Variants in CAPN12 observed in about 807,000 individuals in gnomAD.
The protein encoded by CAPN12 is calpain-12.
Under a neutral mutation model 95.0 loss-of-function variants are expected in CAPN12, and 107 were observed. That is an observed-to-expected ratio of 1.13 (90% CI 0.96 to 1.32). The LOEUF (loss-of-function observed/expected upper bound fraction) is 1.32. Among genes scored for constraint, CAPN12 ranks in the 40% most tolerant of loss-of-function variants. CAPN12 has a pLI of 0.00. For synonymous variants in CAPN12, 505 were observed against 415.5 expected, an observed-to-expected ratio of 1.22 and a Z score of -2.62; for missense variants, 1,136 against 997.8, an observed-to-expected ratio of 1.14 and a Z score of -1.87.
In CAPN12 at chr19:38,736,171, G is replaced by A. The variant is rs1009483574; in HGVS notation, c.1522C>T (p.His508Tyr). Residue 508 changes from histidine to tyrosine, a missense_variant, in exon 12 of 21, where the codon CAC becomes TAC. Physicochemically the swap from His to Tyr is moderately conservative, Grantham distance 83. Coordinates refer to ENST00000328867, the MANE Select transcript of CAPN12 (RefSeq NM_144691.4). ...GHYLVVPSTAHAGDEADFTLR... is the reference protein window; with the variant it reads ...GHYLVVPSTAYAGDEADFTLR... ...GTGAAGTCAGCCTCGTCGCCGGCGT[G>A]GGCGGTGCTCGGCACCACCAGGTAG... The A allele has an allele frequency of 1.8e-5, 28 of 1,513,876 alleles. No individual in the cohort carries two copies. Among genetic ancestry groups the A allele is most frequent in the Non-Finnish European group, 2.5e-5 (28 of 1,134,820 alleles). 93.8% of individuals were successfully genotyped at this position (1,513,876 alleles called of 1,614,324 possible). A position where few individuals can be genotyped will look rare whatever the true frequency, so the allele number is the denominator to read the frequency against.
At chr19:38,735,198 G>A in intron 14 of CAPN12, 172 bp downstream of exon 14, 2 of 667,206 alleles carry the variant, frequency 3.0e-6, no homozygotes, top group East Asian at 2.7e-5. Context: ...TGAGCCCAAG[G>A]CCCTGAGGCA....
intron 11 of CAPN12, 59 bp from the exon 12 acceptor site, chr19:38,736,377 C>G: frequency 1.4e-6 from 2 of 1,479,316 alleles, no homozygotes; most frequent in African/African-American, 1.4e-5. Context: ...CATCCCCGCA[C>G]CCTCCAGCGC....
chr19:38,735,082 AG>A (rs1156817772), intron 14 of CAPN12: 13 of 604,366 alleles, frequency 2.2e-5, no homozygotes, highest in South Asian at 6.2e-5. Context: ...GGCCTGGGGC[AG>A]GGGGGTGGTC....
chr19:38,734,792 C>T lies in CAPN12; in HGVS notation c.1744+21G>A, dbSNP rs116636807. ...CCCCTGGCTAAGACCCCTCCTCCTG[C>T]CCCTATCCCAGCCAACTCACCAGGC... On this transcript the variant is annotated intron_variant, in intron 15 of 20. Coordinates refer to ENST00000328867, the MANE Select transcript of CAPN12 (RefSeq NM_144691.4). The T allele has an allele frequency of 1.3e-4, 206 of 1,610,374 alleles. 1 individual carries two copies. The African/African-American group carries it at 2.5e-3, about 19-fold the overall frequency.
chr19:38,738,161 G>A (rs1236871763), intron 8 of CAPN12, 112 bp downstream of exon 8: 11 of 1,068,706 alleles, frequency 1.0e-5, no homozygotes, highest in Middle Eastern at 3.0e-4. Flanking sequence ...AATTACCACC[G>A]ATGTACACAG....
At position 38,730,698 on chromosome 19, in the gene CAPN12, C is replaced by A; in HGVS notation, c.*154G>T. The A allele has an allele frequency of 1.2e-6, 1 of 865,260 alleles. No homozygotes were observed. Among genetic ancestry groups the A allele is most frequent in the South Asian group, 1.6e-5 (1 of 63,028 alleles). The allele number at this position is 865,260 out of a possible 1,614,324, so 53.6% of individuals were successfully genotyped here. A position where few individuals can be genotyped will look rare whatever the true frequency, so the allele number is the denominator to read the frequency against. On this transcript the variant is annotated 3_prime_UTR_variant, in exon 21 of 21. Coordinates refer to ENST00000328867, the MANE Select transcript of CAPN12 (RefSeq NM_144691.4). ...GTTTCTGAGTGAGGAGTACGCAGGC[C>A]AGAGTGGTCACCCGGCCGTGAGCAG...
At chr19:38,735,468 C>A (rs762895852) in intron 13 of CAPN12, 34 bp downstream of exon 13, 1 of 1,610,600 alleles carries the variant, frequency 6.2e-7, no homozygotes, top group Non-Finnish European at 8.5e-7. Flanking sequence ...CCAAGATCCC[C>A]GCCCCATGCC....
intron 8 of CAPN12, 28 bp downstream of exon 8, chr19:38,738,245 G>A: frequency 1.9e-6 from 3 of 1,610,802 alleles, no homozygotes; most frequent in East Asian, 2.2e-5. Context: ...CCCTCCCAGA[G>A]GCAGAGCTGG....
Position 38,730,787 on chromosome 19 carries a change from G to A in CAPN12, c.*65C>T. On this transcript the variant is annotated 3_prime_UTR_variant, in exon 21 of 21. Transcript: ENST00000328867. ...AGAGAGTGGCACCCATGCCAGGCAA[G>A]GCCTAGGGAGGTGGTCTTGCTCAGC... 6.5e-7 allele frequency: 1 copy of A among 1,540,092 alleles called. No individual in the cohort carries two copies. Among genetic ancestry groups the A allele is most frequent in the East Asian group, 2.4e-5 (1 of 40,854 alleles).
chr19:38,730,689 T>G lies in CAPN12; in HGVS notation c.*163A>C, dbSNP rs1424300300. 3 of 753,134 alleles carry G rather than the reference T, an allele frequency of 4.0e-6. No individual in the cohort carries two copies. The highest frequency in any genetic ancestry group is 6.5e-6 in the Non-Finnish European group (3 of 458,058). 46.7% of individuals were successfully genotyped at this position (753,134 alleles called of 1,614,324 possible). A position where few individuals can be genotyped will look rare whatever the true frequency, so the allele number is the denominator to read the frequency against. On this transcript the variant is annotated 3_prime_UTR_variant, in exon 21 of 21. Transcript: ENST00000328867. ...GCTGTTCTTGTTTCTGAGTGAGGAGTACGCAGGCCAGAGTGGTCACCCGGC... is the reference window on the plus strand; with the variant it reads ...GCTGTTCTTGTTTCTGAGTGAGGAGGACGCAGGCCAGAGTGGTCACCCGGC...
intron 1 of CAPN12, 100 bp downstream of exon 1, chr19:38,743,827 AGG>A: frequency 9.1e-7 from 1 of 1,099,110 alleles, no homozygotes; most frequent in Non-Finnish European, 1.3e-6. Context: ...CCCTCAGACC[AGG>A]GAGTCCAGGC....
chr19:38,735,432 G>A lies in CAPN12; in HGVS notation c.1627-3C>T, dbSNP rs1322299638. The stretch of plus-strand genomic sequence containing the variant: ...AGCTCCAGGGGCAGGTAGGGGCCCT[G>A]CCGCATGGCGGAAGTTTAGCGCTGG... On this transcript the variant is annotated splice_polypyrimidine_tract_variant and splice_region_variant and intron_variant, in intron 13 of 20. Transcript: ENST00000328867. 4.3e-6 allele frequency: 7 copies of A among 1,610,820 alleles called. No homozygotes were observed. The East Asian group carries it at 1.3e-4, about 31-fold the overall frequency.
At chr19:38,733,670 G>A (rs367577985) in intron 18 of CAPN12, 33 bp downstream of exon 18, 26 of 1,589,574 alleles carry the variant, frequency 1.6e-5, no homozygotes, top group African/African-American at 2.7e-5. Context: ...AACAGGTCCT[G>A]TCCCCACGAC....
intron 18 of CAPN12, 44 bp from the exon 19 acceptor site, chr19:38,731,267 C>G: frequency 6.6e-7 from 1 of 1,520,610 alleles, no homozygotes; most frequent in Non-Finnish European, 9.1e-7. Context: ...ACAGGGAACC[C>G]ACCTTGGCAT....
At chr19:38,735,153 G>GGAGGGA (rs1284233213) in intron 14 of CAPN12, 1 of 604,676 alleles carries the variant, frequency 1.7e-6, no homozygotes, top group Non-Finnish European at 2.9e-6. Flanking sequence ...GGAGGTGTCA[G>GGAGGGA]GAGGGAGAGG....
In CAPN12 at chr19:38,731,235, C is replaced by G; in HGVS notation, c.1958-12G>C. ...GTTCAGGTGGAAGCCTAGGGGGAGG[C>G]TGCTTCTGAGCCCAGTGGCCCACAG... On this transcript the variant is annotated splice_polypyrimidine_tract_variant and intron_variant, in intron 18 of 20. Coordinates refer to ENST00000328867, the MANE Select transcript of CAPN12 (RefSeq NM_144691.4). The G allele has an allele frequency of 6.2e-7, 1 of 1,609,512 alleles. No individual in the cohort carries two copies. The highest frequency in any genetic ancestry group is 1.1e-5 in the South Asian group (1 of 90,980).
rs930341948 is a variant in CAPN12 at position 38,738,278 on chromosome 19, C to T, written c.960G>A (p.Glu320=). ...DALLVKKEDG[E]FWMELRDFLL... Reference sequence around the variant, plus strand: ...TGGGACCCTGACGAACTGACCAGAACTCGCCATCCTCCTTTTTCACCAGCA... The same window carrying T: ...TGGGACCCTGACGAACTGACCAGAATTCGCCATCCTCCTTTTTCACCAGCA... The change falls in exon 8 of 21, where the codon GAG becomes GAA. Residue 320 remains glutamate, a synonymous_variant. Transcript: ENST00000328867. 4.3e-6 allele frequency: 7 copies of T among 1,612,042 alleles called. No homozygotes were observed. The highest frequency in any genetic ancestry group is 5.9e-6 in the Non-Finnish European group (7 of 1,180,026).
At position 38,740,224 on chromosome 19, in the gene CAPN12, G is replaced by C. The variant is rs142367713; in HGVS notation, c.561-5C>G. The C allele has an allele frequency of 7.5e-6, 12 of 1,597,866 alleles. No homozygotes were observed. In the East Asian group the frequency reaches 1.1e-4, roughly 15 times the overall value. The stretch of plus-strand genomic sequence containing the variant: ...ACCTCATAGGAGCCGTGGAGCCTGT[G>C]GGGGCAGATCTGGGGTGAGGGTTGA... On this transcript the variant is annotated splice_region_variant and splice_polypyrimidine_tract_variant and intron_variant, in intron 4 of 20. Coordinates refer to ENST00000328867, the MANE Select transcript of CAPN12 (RefSeq NM_144691.4).
At chr19:38,734,287 C>T (rs1254012623) in intron 16 of CAPN12, 32 bp downstream of exon 16, 1 of 1,601,900 alleles carries the variant, frequency 6.2e-7, no homozygotes, top group African/African-American at 1.3e-5. Context: ...TTCCCCACTC[C>T]CTCCCTCACC....
Sources: allele counts gnomAD v4.1 joint callset, GRCh38; gene constraint gnomAD v4.1.1; transcripts MANE v1.5; gene names NCBI Gene and HGNC (gene_info 2026-07-23, HGNC 2026-07-21).